ROR1: variants seen among roughly 807,000 people sequenced by gnomAD.
ROR1 encodes the protein ROR family WNT receptor 1, also known as inactive tyrosine-protein kinase transmembrane receptor ROR1.
Under a neutral mutation model 78.8 loss-of-function variants are expected in ROR1, and 19 were observed. That is an observed-to-expected ratio of 0.24 (90% CI 0.17 to 0.35). The LOEUF is 0.35. Ranked by LOEUF, ROR1 falls within the 10% of genes least tolerant of loss-of-function variation. The pLI is 1.00. For missense variants in ROR1, 917 were observed against 1,177.8 expected (o/e 0.78, Z 3.24); for synonymous variants, 386 against 433.6 (o/e 0.89, Z 1.36).
At chr1:64,136,304 T>G (rs1649098987) in intron 4 of ROR1, among the ~76,000 whole-genome samples, 1 of 151,796 alleles carries the variant, frequency 6.6e-6, no homozygotes, top group African/African-American at 2.4e-5. Context: ...TTCTCCTGAC[T>G]TTGCTCTGAG....
intron 1 of ROR1, among the ~76,000 whole-genome samples, chr1:63,798,330 T>C (rs901567496): frequency 3.3e-5 from 5 of 152,162 alleles, no homozygotes; most frequent in African/African-American, 1.2e-4. Flanking sequence ...TTTTTTATTT[T>C]GCACTGGGCC....
chr1:63,975,452 C>G (rs970315086), intron 1 of ROR1, among the ~76,000 whole-genome samples: 7 of 152,102 alleles, frequency 4.6e-5, no homozygotes, highest in Admixed American at 3.9e-4. Flanking sequence ...CTTTAAAAAA[C>G]TGAATTAATA....
At position 64,177,937 on chromosome 1, in the gene ROR1, A is replaced by G; in HGVS notation, c.1896A>G (p.Ser632=). The G allele has an allele frequency of 6.2e-7, 1 of 1,614,228 alleles. No individual in the cohort carries two copies. Among genetic ancestry groups the G allele is most frequent in the South Asian group, 1.1e-5 (1 of 91,090 alleles). ...GAGAGCAACTTCATGTAAAGATTTCAGACTTGGGGCTTTCCAGAGAAATTT... is the reference window on the plus strand; with the variant it reads ...GAGAGCAACTTCATGTAAAGATTTCGGACTTGGGGCTTTCCAGAGAAATTT... ...LIGEQLHVKI[S]DLGLSREIYS... The change falls in exon 9 of 9, where the codon TCA becomes TCG. Residue 632 remains serine, a synonymous_variant. Transcript: ENST00000371079.
intron 1 of ROR1, among the ~76,000 whole-genome samples, chr1:63,931,637 T>C (rs564433868): frequency 6.6e-6 from 1 of 152,324 alleles, no homozygotes; most frequent in African/African-American, 2.4e-5. Flanking sequence ...GGGACCTGCA[T>C]CCTTCCTTTG....
At chr1:64,068,537 C>T in intron 4 of ROR1, among the ~76,000 whole-genome samples, 1 of 150,858 alleles carries the variant, frequency 6.6e-6, no homozygotes, top group East Asian at 2.0e-4. Context: ...ATTCTATTTG[C>T]ACATATATAT....
chr1:64,019,454 T>C (rs1646547020), intron 2 of ROR1, among the ~76,000 whole-genome samples: 1 of 152,184 alleles, frequency 6.6e-6, no homozygotes, highest in Non-Finnish European at 1.5e-5. Context: ...TAATGACATA[T>C]GTGAGACGGC....
At chr1:63,950,950 C>G (rs905167184) in intron 1 of ROR1, among the ~76,000 whole-genome samples, 1 of 152,150 alleles carries the variant, frequency 6.6e-6, no homozygotes, top group Non-Finnish European at 1.5e-5. Context: ...AAAATACAAC[C>G]AAAAACCTTC....
At chr1:63,858,401 G>A (rs1260917565) in intron 1 of ROR1, among the ~76,000 whole-genome samples, 2 of 152,066 alleles carry the variant, frequency 1.3e-5, no homozygotes, top group African/African-American at 2.4e-5. Flanking sequence ...AAGTAGAGTG[G>A]AATTTCTCAT....
chr1:64,003,664 G>A (rs1646405267), intron 1 of ROR1, among the ~76,000 whole-genome samples: 1 of 145,902 alleles, frequency 6.9e-6, no homozygotes, highest in African/African-American at 2.5e-5. Context: ...GTGAGCCTAG[G>A]GCTAGAGCAT....
At chr1:64,165,774 A>G (rs1334834745) in intron 8 of ROR1, among the ~76,000 whole-genome samples, 3 of 138,482 alleles carry the variant, frequency 2.2e-5, no homozygotes, top group Non-Finnish European at 3.0e-5. Flanking sequence ...GTGTGATCTC[A>G]GCTCACTGCA....
intron 7 of ROR1, among the ~76,000 whole-genome samples, chr1:64,149,174 A>C (rs1455562607): frequency 9.2e-5 from 14 of 152,230 alleles, no homozygotes; most frequent in Admixed American, 9.2e-4. Context: ...GCTCAATAAA[A>C]TGTGTTGAAT....
At chr1:63,833,994 T>C (rs1645004902) in intron 1 of ROR1, among the ~76,000 whole-genome samples, 1 of 150,494 alleles carries the variant, frequency 6.6e-6, no homozygotes, top group Non-Finnish European at 1.5e-5. Context: ...CTTCTTCTTT[T>C]TTTTTTTTTT....
At chr1:63,878,446 A>C (rs765437893) in intron 1 of ROR1, among the ~76,000 whole-genome samples, 1 of 151,664 alleles carries the variant, frequency 6.6e-6, no homozygotes, top group East Asian at 1.9e-4. Context: ...GTCTCTGTAC[A>C]TTTTCTCTGT....
At chr1:63,856,319 T>C (rs682904) in intron 1 of ROR1, among the ~76,000 whole-genome samples, 64,178 of 152,122 alleles carry the variant, frequency 0.42, 16,521 homozygotes, top group African/African-American at 0.73. Flanking sequence ...ACTTAGTCTA[T>C]AACTAATTAT....
intron 7 of ROR1, among the ~76,000 whole-genome samples, chr1:64,154,878 T>A (rs919620128): frequency 1.4e-4 from 21 of 152,328 alleles, no homozygotes; most frequent in African/African-American, 4.1e-4. Context: ...AGGTGTCCAT[T>A]ACCCTTTAAA....
intron 1 of ROR1, chr1:63,843,408 C>A: frequency 1.3e-6 from 1 of 748,548 alleles, no homozygotes; most frequent in South Asian, 1.4e-5. Flanking sequence ...CTCCTCCTTG[C>A]TCTCCTTGGT....
At chr1:63,887,215 C>T (rs937118039) in intron 1 of ROR1, among the ~76,000 whole-genome samples, 1 of 52,528 alleles carries the variant, frequency 1.9e-5, no homozygotes, top group Admixed American at 2.8e-4. Context: ...TTTTGTTTTG[C>T]GTTTTGGGAT....
chr1:63,948,057 C>T (rs752829997), intron 1 of ROR1, among the ~76,000 whole-genome samples: 14 of 152,064 alleles, frequency 9.2e-5, no homozygotes, highest in Non-Finnish European at 1.8e-4. Flanking sequence ...AGAAAACTGC[C>T]GCACAGAATC....
chr1:63,940,611 T>C (rs1030552717), intron 1 of ROR1, among the ~76,000 whole-genome samples: 6 of 152,126 alleles, frequency 3.9e-5, no homozygotes, highest in African/African-American at 1.4e-4. Flanking sequence ...ACATGTGATA[T>C]ATGTGGAGGA....
Sources: gnomAD v4.1 joint callset for allele counts (sites outside exome capture counted in the v4.1 genomes callset) on GRCh38, gnomAD v4.1.1 for gene constraint, MANE v1.5 for transcripts, NCBI Gene and HGNC (gene_info 2026-07-23, HGNC 2026-07-21) for gene names.